The following DLGAP2 variants were observed in gnomAD, a reference collection of about 807,000 sequenced individuals.
DLGAP2 encodes DLG associated protein 2.
A neutral mutation model predicts 100.3 loss-of-function variants in DLGAP2; 26 were observed. The observed-to-expected ratio is 0.26, with a 90% confidence interval of 0.19 to 0.36. The LOEUF is 0.36. Among genes scored for constraint, DLGAP2 ranks in the 10% least tolerant of loss-of-function variants. The pLI is 1.00. For missense variants in DLGAP2, 1,858 were observed against 1,453.2 expected (o/e 1.28, Z -4.53); for synonymous variants, 886 against 630.1 (o/e 1.41, Z -6.08).
chr8:1,437,178 C>G (rs1202023328), intron 3 of DLGAP2, among the ~76,000 whole-genome samples: 1 of 149,196 alleles, frequency 6.7e-6, no homozygotes, highest in Admixed American at 6.7e-5. Context: ...AAGGGTGACG[C>G]CATCCGGGTC....
chr8:1,638,003 G>A (rs915786361), intron 8 of DLGAP2, among the ~76,000 whole-genome samples: 1 of 152,182 alleles, frequency 6.6e-6, no homozygotes, highest in Non-Finnish European at 1.5e-5. Flanking sequence ...GAAAACCGCT[G>A]GGCACCTCAG....
At position 1,158,323 on chromosome 8, in the gene DLGAP2, C is replaced by G. The variant is rs76080873; in HGVS notation, c.74-100528C>G. On this transcript the variant is annotated intron_variant, in intron 2 of 14. Transcript: ENST00000637795. Reference sequence around the variant, plus strand: ...GACGTCATTATGTGCGTACATGTATCTGTGTGTTATATGTGCATGTATGTA... The same window carrying G: ...GACGTCATTATGTGCGTACATGTATGTGTGTGTTATATGTGCATGTATGTA... Among the ~76,000 whole-genome samples, 577 of 152,288 alleles carry G rather than the reference C, an allele frequency of 3.8e-3. 1 individual carries two copies. The highest frequency in any genetic ancestry group is 7.9e-3 in the South Asian group (38 of 4,824).
At chr8:1,287,762 C>CGTGT (rs1333923540) in intron 3 of DLGAP2, among the ~76,000 whole-genome samples, 655 of 30,260 alleles carry the variant, frequency 0.022, 29 homozygotes, top group Middle Eastern at 0.029. Flanking sequence ...TTTGGTTCAG[C>CGTGT]GTGTGTGTGT....
intron 2 of DLGAP2, chr8:1,246,928 TG>T (rs1798917119): frequency 8.3e-6 from 1 of 120,720 alleles, no homozygotes; most frequent in Non-Finnish European, 1.6e-5. Flanking sequence ...AGTGTGGGAG[TG>T]ATGGTCCATG....
chr8:1,125,021 C>T (rs1796133802), intron 2 of DLGAP2, among the ~76,000 whole-genome samples: 2 of 152,230 alleles, frequency 1.3e-5, no homozygotes, highest in South Asian at 2.1e-4. Context: ...TCTGACTGTC[C>T]AGCACCTCCT....
At chr8:1,138,822 T>G (rs1420180978) in intron 2 of DLGAP2, among the ~76,000 whole-genome samples, 1 of 152,000 alleles carries the variant, frequency 6.6e-6, no homozygotes, top group African/African-American at 2.4e-5. Context: ...TTCCTGTTTA[T>G]TTACTAGTCC....
At chr8:1,118,549 GGCT>G (rs367619218) in intron 2 of DLGAP2, among the ~76,000 whole-genome samples, 1 of 151,582 alleles carries the variant, frequency 6.6e-6, no homozygotes, top group Non-Finnish European at 1.5e-5. Flanking sequence ...AAATGAATGG[GGCT>G]GCTGCTGCTG....
intron 6 of DLGAP2, among the ~76,000 whole-genome samples, chr8:1,624,691 C>T (rs1283031837): frequency 6.6e-6 from 1 of 151,966 alleles, no homozygotes; most frequent in African/African-American, 2.4e-5. Context: ...GGACAGGGCC[C>T]CTGCTGGTGC....
At chr8:987,103 A>G (rs1800509521) in intron 2 of DLGAP2, among the ~76,000 whole-genome samples, 1 of 151,816 alleles carries the variant, frequency 6.6e-6, no homozygotes, top group African/African-American at 2.4e-5. Context: ...TTTTTCCTAT[A>G]CTTCTTTGGG....
intron 3 of DLGAP2, among the ~76,000 whole-genome samples, chr8:1,427,954 A>G (rs1797283159): frequency 6.6e-6 from 1 of 152,218 alleles, no homozygotes. Flanking sequence ...AAATGAACTT[A>G]TATCAGTATT....
Position 1,523,186 on chromosome 8 carries a change from G to A in DLGAP2, c.172+21755G>A, listed in dbSNP as rs112881279. On this transcript the variant is annotated intron_variant, in intron 4 of 14. Coordinates refer to ENST00000637795, the MANE Select transcript of DLGAP2 (RefSeq NM_001346810.2). ...GGAAAAGGCCCCCCTCTGGTGGTCCGGGCCCATGGTCCTGCCAGGGGCCCA... is the reference window on the plus strand; with the variant it reads ...GGAAAAGGCCCCCCTCTGGTGGTCCAGGCCCATGGTCCTGCCAGGGGCCCA... Among the ~76,000 whole-genome samples, 7 of 152,210 alleles carry A rather than the reference G, an allele frequency of 4.6e-5. No homozygotes were observed. The East Asian group carries it at 5.8e-4, about 13-fold the overall frequency.
intron 6 of DLGAP2, among the ~76,000 whole-genome samples, chr8:1,567,403 A>G (rs886309951): frequency 2.0e-5 from 3 of 152,236 alleles, no homozygotes; most frequent in African/African-American, 7.2e-5. Context: ...GTAAACAGCC[A>G]TTGGTTAACT....
intron 3 of DLGAP2, among the ~76,000 whole-genome samples, chr8:1,390,267 G>A (rs943996675): frequency 6.6e-6 from 1 of 152,152 alleles, no homozygotes; most frequent in Non-Finnish European, 1.5e-5. Flanking sequence ...TTCTCCAGAA[G>A]GCGCAGAAAT....
intron 2 of DLGAP2, among the ~76,000 whole-genome samples, chr8:1,187,156 A>G (rs1797523048): frequency 6.6e-6 from 1 of 152,242 alleles, no homozygotes. Context: ...ACTGCAATTT[A>G]ACAATGGGGG....
At chr8:1,353,642 A>G (rs926909097) in intron 3 of DLGAP2, among the ~76,000 whole-genome samples, 1 of 152,252 alleles carries the variant, frequency 6.6e-6, no homozygotes, top group Non-Finnish European at 1.5e-5. Flanking sequence ...TATTTGTACT[A>G]TGATAAAAAT....
intron 3 of DLGAP2, among the ~76,000 whole-genome samples, chr8:1,335,461 G>A (rs1305439899): frequency 6.6e-6 from 1 of 152,224 alleles, no homozygotes; most frequent in Non-Finnish European, 1.5e-5. Context: ...AAACGGGACA[G>A]TGTGCTTCCT....
intron 2 of DLGAP2, among the ~76,000 whole-genome samples, chr8:1,051,811 G>T (rs1363474083): frequency 6.6e-6 from 1 of 152,102 alleles, no homozygotes; most frequent in East Asian, 1.9e-4. Context: ...TCCTGCCTGG[G>T]CCCCTCAGGG....
At chr8:778,321 C>T (rs1014300556) in intron 1 of DLGAP2, among the ~76,000 whole-genome samples, 1 of 152,172 alleles carries the variant, frequency 6.6e-6, no homozygotes, top group African/African-American at 2.4e-5. Context: ...GTAATTTGAT[C>T]GTCTGAAGCC....
At position 1,020,534 on chromosome 8, in the gene DLGAP2, C is replaced by G. The variant is rs186598198; in HGVS notation, c.73+112568C>G. On this transcript the variant is annotated intron_variant, in intron 2 of 14. Transcript: ENST00000637795. ...GGATTGAGGTCTCAGAGATGGTGCT[C>G]ACACAATGTGTTGAGCACATCAGGG... Among the ~76,000 whole-genome samples the G allele has an allele frequency of 9.8e-4, 149 of 152,290 alleles. 1 individual carries two copies. Among genetic ancestry groups the G allele is most frequent in the African/African-American group, 3.4e-3 (141 of 41,554 alleles).
Sources: allele counts gnomAD v4.1 joint callset (sites outside exome capture counted in the v4.1 genomes callset), GRCh38; gene constraint gnomAD v4.1.1; transcripts MANE v1.5; gene names NCBI Gene and HGNC (gene_info 2026-07-23, HGNC 2026-07-21).